The following CRADD variants were observed in gnomAD, a reference collection of about 807,000 sequenced individuals.
CRADD encodes the protein death domain-containing protein CRADD.
A neutral mutation model predicts 15.5 loss-of-function variants in CRADD; 9 were observed. The observed-to-expected ratio is 0.58, with a 90% CI of 0.35 to 1.01. CRADD has a LOEUF of 1.01. Among genes scored for constraint, CRADD ranks in the 50% least tolerant of loss-of-function variants. The pLI, the probability that CRADD is intolerant of heterozygous loss-of-function variation, is 0.02. For missense variants in CRADD, 227 were observed against 250.3 expected (o/e 0.91, Z 0.63); for synonymous variants, 118 against 107.6 (o/e 1.10, Z -0.60).
chr12:93,825,542 C>G (rs1300562319), intron 2 of CRADD, among the ~76,000 whole-genome samples: 1 of 152,140 alleles, frequency 6.6e-6, no homozygotes, highest in Non-Finnish European at 1.5e-5. Flanking sequence ...CTGGAAGGGG[C>G]TGTGTTGGAA....
intron 2 of CRADD, among the ~76,000 whole-genome samples, chr12:93,817,041 T>C (rs1229665670): frequency 6.6e-6 from 1 of 152,216 alleles, no homozygotes; most frequent in East Asian, 1.9e-4. Flanking sequence ...TTTACAAATA[T>C]AGTATTTTTA....
chr12:93,720,082 A>G (rs1372138613), intron 2 of CRADD, among the ~76,000 whole-genome samples: 3 of 152,004 alleles, frequency 2.0e-5, no homozygotes, highest in African/African-American at 7.2e-5. Flanking sequence ...AATCCTATGC[A>G]TTTCCCTTTG....
intron 2 of CRADD, among the ~76,000 whole-genome samples, chr12:93,759,260 G>T (rs889024865): frequency 2.6e-5 from 4 of 152,060 alleles, no homozygotes. Context: ...GGGGGAATGG[G>T]GAGTGGGAAC....
intron 2 of CRADD, among the ~76,000 whole-genome samples, chr12:93,685,778 G>A (rs1467421821): frequency 1.3e-5 from 2 of 152,188 alleles, no homozygotes; most frequent in African/African-American, 4.8e-5. Context: ...GATCACCTGA[G>A]GTCAGGAGTT....
At chr12:93,759,243 G>A (rs1956923365) in intron 2 of CRADD, among the ~76,000 whole-genome samples, 1 of 152,122 alleles carries the variant, frequency 6.6e-6, no homozygotes, top group Admixed American at 6.5e-5. Flanking sequence ...TGGAGGTAGC[G>A]ATGGGTGGGG....
intron 2 of CRADD, among the ~76,000 whole-genome samples, chr12:93,800,299 G>A (rs1406449122): frequency 6.6e-6 from 1 of 152,110 alleles, no homozygotes; most frequent in Non-Finnish European, 1.5e-5. Context: ...TGCAGGAGAG[G>A]ATGGATGTTC....
chr12:93,701,242 TCTC>T (rs1955838121), intron 2 of CRADD, among the ~76,000 whole-genome samples: 1 of 151,688 alleles, frequency 6.6e-6, no homozygotes, highest in Non-Finnish European at 1.5e-5. Flanking sequence ...ATTTTTCCCT[TCTC>T]CTCCTCTTCC....
intron 2 of CRADD, among the ~76,000 whole-genome samples, chr12:93,797,489 A>G (rs1053957981): frequency 6.6e-6 from 1 of 152,182 alleles, no homozygotes; most frequent in Non-Finnish European, 1.5e-5. Flanking sequence ...ATCATCCCTC[A>G]CCAAAATGTT....
intron 2 of CRADD, among the ~76,000 whole-genome samples, chr12:93,703,353 CTTTTTCTTTTTT>C (rs1247897973): frequency 6.8e-6 from 1 of 147,394 alleles, no homozygotes; most frequent in South Asian, 2.1e-4. Flanking sequence ...CTTTCTTTTT[CTTTTTCTTTTTT>C]TTTTTTTTTT....
intron 2 of CRADD, chr12:93,836,270 G>A (rs1957972032): frequency 6.6e-6 from 1 of 152,150 alleles, no homozygotes; most frequent in African/African-American, 2.4e-5. Context: ...GTTGAGTTTG[G>A]GTGAATAATT....
intron 2 of CRADD, among the ~76,000 whole-genome samples, chr12:93,847,264 C>A (rs1020717083): frequency 1.3e-5 from 2 of 151,454 alleles, no homozygotes; most frequent in African/African-American, 4.9e-5. Flanking sequence ...CATCAGCAAC[C>A]CCTACCATAA....
intron 2 of CRADD, among the ~76,000 whole-genome samples, chr12:93,746,104 T>C (rs1335866001): frequency 2.0e-5 from 3 of 152,196 alleles, no homozygotes; most frequent in Non-Finnish European, 4.4e-5. Context: ...AGGCTGTAAA[T>C]TTGGCTCTGG....
chr12:93,848,653 T>G (rs999609439), intron 2 of CRADD: 2 of 152,386 alleles, frequency 1.3e-5, no homozygotes, highest in Admixed American at 6.5e-5. Context: ...AATTCTCTCT[T>G]CTCGAGATGC....
intron 2 of CRADD, among the ~76,000 whole-genome samples, chr12:93,860,456 G>A (rs1013420929): frequency 1.3e-5 from 2 of 152,162 alleles, no homozygotes; most frequent in Non-Finnish European, 2.9e-5. Context: ...GGATATAGCA[G>A]TCAATGTGAC....
intron 2 of CRADD, among the ~76,000 whole-genome samples, chr12:93,743,139 A>G (rs1230895491): frequency 6.6e-6 from 1 of 152,202 alleles, no homozygotes; most frequent in Non-Finnish European, 1.5e-5. Flanking sequence ...AGTAATAGTA[A>G]CTTAACTAGT....
chr12:93,732,322 G>A (rs10859566), intron 2 of CRADD, among the ~76,000 whole-genome samples: 55,499 of 151,928 alleles, frequency 0.37, 11,337 homozygotes, highest in East Asian at 0.56. Context: ...AGAGTTATGA[G>A]CTCCATTTGG....
At chr12:93,753,799 C>T (rs536588356) in intron 2 of CRADD, among the ~76,000 whole-genome samples, 1 of 152,368 alleles carries the variant, frequency 6.6e-6, no homozygotes, top group African/African-American at 2.4e-5. Flanking sequence ...GCCCCCCTCC[C>T]AGCTGCTTTC....
intron 2 of CRADD, 113 bp downstream of exon 2, chr12:93,679,185 A>G: frequency 2.4e-6 from 2 of 827,086 alleles, no homozygotes; most frequent in South Asian, 1.8e-5. Context: ...TCTGTTGCCC[A>G]GGCTGGAGTG....
intron 2 of CRADD, among the ~76,000 whole-genome samples, chr12:93,715,416 C>T (rs1956144542): frequency 6.6e-6 from 1 of 152,090 alleles, no homozygotes; most frequent in African/African-American, 2.4e-5. Flanking sequence ...TGTAGAGGAA[C>T]CTGTTTATGA....
Sources: allele counts gnomAD v4.1 joint callset (sites outside exome capture counted in the v4.1 genomes callset), GRCh38; gene constraint gnomAD v4.1.1; transcripts MANE v1.5; gene names NCBI Gene and HGNC (gene_info 2026-07-23, HGNC 2026-07-21).